Variants in GRID2 observed in about 807,000 individuals in gnomAD.
GRID2 encodes glutamate receptor ionotropic, delta-2.
A neutral mutation model predicts 114.8 loss-of-function variants in GRID2; 33 were observed. The observed-to-expected ratio is 0.29, with a 90% CI of 0.22 to 0.38. The LOEUF (loss-of-function observed/expected upper bound fraction) is 0.38, where lower values mean the gene tolerates loss of function less well. GRID2 is among the 10% of genes least tolerant of loss of function. GRID2 has a pLI of 1.00. For synonymous variants in GRID2, 505 were observed against 449.9 expected, an observed-to-expected ratio of 1.12 and a Z score of -1.55; for missense variants, 1,184 against 1,257.7, an observed-to-expected ratio of 0.94 and a Z score of 0.89.
chr4:92,505,187 T>C (rs1490686870), intron 1 of GRID2, among the ~76,000 whole-genome samples: 1 of 152,014 alleles, frequency 6.6e-6, no homozygotes, highest in African/African-American at 2.4e-5. Context: ...GGATTCTCTC[T>C]TCTGCAAATA....
At chr4:93,451,628 A>C (rs1366104176) in intron 10 of GRID2, among the ~76,000 whole-genome samples, 2 of 152,084 alleles carry the variant, frequency 1.3e-5, no homozygotes, top group African/African-American at 4.8e-5. Context: ...GCTCTATAGA[A>C]AGACTACTTT....
At chr4:92,311,880 G>C (rs575374527) in intron 1 of GRID2, among the ~76,000 whole-genome samples, 1 of 151,912 alleles carries the variant, frequency 6.6e-6, no homozygotes, top group African/African-American at 2.4e-5. Context: ...CTATGTTTTT[G>C]TATTTAAGGA....
intron 8 of GRID2, among the ~76,000 whole-genome samples, chr4:93,308,730 C>T (rs990304158): frequency 6.6e-6 from 1 of 152,158 alleles, no homozygotes. Context: ...ACAATGTACA[C>T]AAAATGGCTG....
intron 2 of GRID2, among the ~76,000 whole-genome samples, chr4:92,828,876 G>A (rs1311668934): frequency 6.6e-6 from 1 of 151,606 alleles, no homozygotes; most frequent in East Asian, 2.0e-4. Context: ...TTTTTTTCTT[G>A]TAAATTTGTT....
intron 2 of GRID2, among the ~76,000 whole-genome samples, chr4:92,845,514 A>G (rs958759311): frequency 1.3e-5 from 2 of 152,244 alleles, no homozygotes; most frequent in African/African-American, 4.8e-5. Context: ...TTGGACATGT[A>G]GATGGGGTAC....
At chr4:92,848,293 T>C (rs1006098541) in intron 2 of GRID2, among the ~76,000 whole-genome samples, 4 of 151,758 alleles carry the variant, frequency 2.6e-5, no homozygotes, top group Non-Finnish European at 4.4e-5. Flanking sequence ...CTTGACTTAA[T>C]GTAGAGACAC....
chr4:93,407,141 A>T (rs1766535988), intron 9 of GRID2, among the ~76,000 whole-genome samples: 1 of 152,170 alleles, frequency 6.6e-6, no homozygotes, highest in South Asian at 2.1e-4. Context: ...ATTCTTTCAA[A>T]GGCACAGTAA....
chr4:93,684,728 T>C (rs915789896), intron 14 of GRID2, among the ~76,000 whole-genome samples: 4 of 151,882 alleles, frequency 2.6e-5, no homozygotes, highest in Admixed American at 6.6e-5. Context: ...TGGGGAGTGG[T>C]AGAGGATGAG....
chr4:92,952,106 A>G (rs1752082751), intron 2 of GRID2, among the ~76,000 whole-genome samples: 1 of 152,218 alleles, frequency 6.6e-6, no homozygotes, highest in African/African-American at 2.4e-5. Context: ...AAATGCATTC[A>G]TATTTTGCCA....
intron 2 of GRID2, among the ~76,000 whole-genome samples, chr4:92,877,440 CTG>C (rs1745711977): frequency 6.6e-6 from 1 of 152,194 alleles, no homozygotes; most frequent in Non-Finnish European, 1.5e-5. Flanking sequence ...AACTTTGTAA[CTG>C]TGCTGAGTCC....
chr4:93,744,001 CTACTCTGCTTA>C (rs1731629004), intron 14 of GRID2, among the ~76,000 whole-genome samples: 1 of 152,192 alleles, frequency 6.6e-6, no homozygotes, highest in Non-Finnish European at 1.5e-5. Context: ...GCCAAATCTT[CTACTCTGCTTA>C]TACTCTATAA....
chr4:93,070,976 G>A (rs559323074), intron 2 of GRID2, among the ~76,000 whole-genome samples: 32 of 152,148 alleles, frequency 2.1e-4, no homozygotes, highest in African/African-American at 6.0e-4. Context: ...TATACGCCAA[G>A]CATATCTGAG....
intron 1 of GRID2, among the ~76,000 whole-genome samples, chr4:92,547,110 G>A (rs201590759): frequency 1.3e-5 from 2 of 152,090 alleles, no homozygotes; most frequent in Non-Finnish European, 2.9e-5. Flanking sequence ...CAGCTTCTCC[G>A]ATACCTAAAT....
At chr4:93,737,246 T>G (rs1731004199) in intron 14 of GRID2, among the ~76,000 whole-genome samples, 1 of 152,082 alleles carries the variant, frequency 6.6e-6, no homozygotes, top group Admixed American at 6.6e-5. Flanking sequence ...ACGTTATCTC[T>G]GTCTGCAAAT....
chr4:92,654,629 TG>T (rs1373823665), intron 2 of GRID2, among the ~76,000 whole-genome samples: 1 of 152,070 alleles, frequency 6.6e-6, no homozygotes, highest in African/African-American at 2.4e-5. Context: ...GATATTTCAT[TG>T]TGGTTTTGAT....
intron 2 of GRID2, among the ~76,000 whole-genome samples, chr4:92,793,558 A>T (rs1043316358): frequency 6.6e-6 from 1 of 151,894 alleles, no homozygotes; most frequent in South Asian, 2.1e-4. Flanking sequence ...AAATTAAAAA[A>T]AAAAAGAAAA....
intron 8 of GRID2, among the ~76,000 whole-genome samples, chr4:93,328,035 C>T (rs1414223717): frequency 1.3e-5 from 2 of 151,830 alleles, no homozygotes; most frequent in Admixed American, 6.6e-5. Context: ...GTGTCCTGGC[C>T]GGGCGCAGTG....
At chr4:92,581,701 CTCT>C (rs1728193709) in intron 1 of GRID2, among the ~76,000 whole-genome samples, 1 of 152,066 alleles carries the variant, frequency 6.6e-6, no homozygotes, top group South Asian at 2.1e-4. Context: ...CTGAAAATTT[CTCT>C]TCTTGGTCTA....
chr4:93,110,015 A>G (rs1009666534), intron 3 of GRID2, among the ~76,000 whole-genome samples: 3 of 152,122 alleles, frequency 2.0e-5, no homozygotes, highest in African/African-American at 7.2e-5. Flanking sequence ...TAAGTATGTA[A>G]ATATTTTGCT....
Sources: allele counts gnomAD v4.1 joint callset (sites outside exome capture counted in the v4.1 genomes callset), GRCh38; gene constraint gnomAD v4.1.1; transcripts MANE v1.5; gene names NCBI Gene and HGNC (gene_info 2026-07-23, HGNC 2026-07-21).